NUP35: variants seen among roughly 807,000 people sequenced by gnomAD.
NUP35 encodes the protein nucleoporin NUP35.
A neutral mutation model predicts 41.5 loss-of-function variants in NUP35; 25 were observed. The observed-to-expected ratio is 0.60, with a 90% confidence interval of 0.44 to 0.84. The LOEUF (loss-of-function observed/expected upper bound fraction) is 0.84. Ranked by LOEUF, NUP35 falls within the 40% of genes least tolerant of loss-of-function variation. The probability of loss-of-function intolerance (pLI) is 0.00; values close to 1 mark genes in which losing one functional copy is unlikely to be tolerated. For synonymous variants in NUP35, 149 were observed against 130.7 expected, an observed-to-expected ratio of 1.14 and a Z score of -0.96; for missense variants, 396 against 396.6, an observed-to-expected ratio of 1.00 and a Z score of 0.01.
intron 4 of NUP35, among the ~76,000 whole-genome samples, chr2:183,144,055 GACTC>G (rs1277525552): frequency 6.6e-6 from 1 of 152,176 alleles, no homozygotes; most frequent in African/African-American, 2.4e-5. Context: ...TTACTAGAAA[GACTC>G]ACAACCTCAC....
intron 5 of NUP35, among the ~76,000 whole-genome samples, chr2:183,152,395 A>G (rs1660311083): frequency 6.6e-6 from 1 of 152,136 alleles, no homozygotes; most frequent in Non-Finnish European, 1.5e-5. Context: ...CCTGAGCAGT[A>G]GGCACTGAAC....
intron 3 of NUP35, chr2:183,130,951 C>A: frequency 8.5e-7 from 1 of 1,177,066 alleles, no homozygotes. Context: ...CACTCGTCAG[C>A]TGAGAAGTAG....
chr2:183,150,334 A>G (rs529872909), intron 4 of NUP35, among the ~76,000 whole-genome samples: 6 of 152,240 alleles, frequency 3.9e-5, no homozygotes, highest in African/African-American at 1.4e-4. Context: ...TTTCTTCATG[A>G]TCCGGCATAT....
chr2:183,153,499 A>G (rs1685539874), intron 5 of NUP35, among the ~76,000 whole-genome samples: 1 of 152,178 alleles, frequency 6.6e-6, no homozygotes, highest in Non-Finnish European at 1.5e-5. Context: ...TGGCCAAAAC[A>G]GAGGGGTTAT....
At chr2:183,118,842 T>C (rs1368125051) in intron 1 of NUP35, 1 of 152,200 alleles carries the variant, frequency 6.6e-6, no homozygotes, top group East Asian at 1.9e-4. Flanking sequence ...CATTTGACCT[T>C]GGACGTAGGG....
At chr2:183,148,816 G>A (rs1013183563) in intron 4 of NUP35, among the ~76,000 whole-genome samples, 2 of 151,888 alleles carry the variant, frequency 1.3e-5, no homozygotes, top group Non-Finnish European at 2.9e-5. Context: ...ACACCACTAC[G>A]CCCAGCTAAT....
chr2:183,143,853 G>A (rs1245400256), intron 4 of NUP35, among the ~76,000 whole-genome samples: 4 of 152,166 alleles, frequency 2.6e-5, no homozygotes, highest in Non-Finnish European at 5.9e-5. Context: ...AGTTCACCAT[G>A]CTTGATTGGA....
chr2:183,128,998 G>T (rs972283194), intron 2 of NUP35, among the ~76,000 whole-genome samples: 2 of 152,106 alleles, frequency 1.3e-5, no homozygotes, highest in African/African-American at 4.8e-5. Context: ...TAAAATTTCT[G>T]TGTCGGAGAT....
chr2:183,138,245 C>CTATA lies in NUP35; in HGVS notation c.397+4644_397+4647dup, dbSNP rs1208421272. On this transcript the variant is annotated intron_variant, in intron 4 of 8. Coordinates refer to ENST00000295119, the MANE Select transcript of NUP35 (RefSeq NM_138285.5). Reference sequence around the variant, plus strand: ...GAAAACCTAGATTTTTCATTTAGAGCTATATATATATATATATATATATAT... The same window carrying CTATA: ...GAAAACCTAGATTTTTCATTTAGAGCTATATATATATATATATATATATATATAT... Among the ~76,000 whole-genome samples, 70 of 112,656 alleles carry CTATA rather than the reference C, an allele frequency of 6.2e-4. No homozygotes were observed. The Middle Eastern group carries it at 0.015, about 23-fold the overall frequency. The allele number at this position is 112,656 out of a possible 152,430, so 73.9% of individuals were successfully genotyped here.
At chr2:183,161,007 G>A in intron 8 of NUP35, 47 bp from the exon 9 acceptor site, 1 of 1,428,044 alleles carries the variant, frequency 7.0e-7, no homozygotes, top group South Asian at 1.2e-5. Context: ...CTATGACACT[G>A]AAGTAACAAT....
At position 183,158,011 on chromosome 2, in the gene NUP35, T is replaced by G. The variant is rs57045858; in HGVS notation, c.610-272T>G. Among the ~76,000 whole-genome samples, 1,124 of 150,416 alleles carry G rather than the reference T, an allele frequency of 7.5e-3. 55 individuals are homozygous for G. The East Asian group carries it at 0.14, about 19-fold the overall frequency. Reference sequence around the variant, plus strand: ...ATCAAATTGAGTAGTTTTAAATAACTTTATGGCAAGTGTTGCTTTGATCTC... The same window carrying G: ...ATCAAATTGAGTAGTTTTAAATAACGTTATGGCAAGTGTTGCTTTGATCTC... On this transcript the variant is annotated intron_variant, in intron 6 of 8. Coordinates refer to ENST00000295119, the MANE Select transcript of NUP35 (RefSeq NM_138285.5).
intron 5 of NUP35, among the ~76,000 whole-genome samples, chr2:183,154,954 G>A (rs1685600757): frequency 6.6e-6 from 1 of 152,176 alleles, no homozygotes; most frequent in South Asian, 2.1e-4. Flanking sequence ...GTGACATCAA[G>A]AGAAAATGAG....
intron 4 of NUP35, among the ~76,000 whole-genome samples, chr2:183,142,178 A>C (rs1444349709): frequency 6.6e-6 from 1 of 152,044 alleles, no homozygotes; most frequent in East Asian, 1.9e-4. Flanking sequence ...CAATTTTGCA[A>C]ATGTGTCTTG....
At chr2:183,141,257 A>G (rs529294193) in intron 4 of NUP35, among the ~76,000 whole-genome samples, 1 of 152,096 alleles carries the variant, frequency 6.6e-6, no homozygotes, top group Non-Finnish European at 1.5e-5. Context: ...TCCCTCTTGT[A>G]AGGATACTTG....
At chr2:183,123,718 AT>A, upstream of NUP35, 1 of 845,118 alleles carries the variant, frequency 1.2e-6, no homozygotes, top group Non-Finnish European at 1.4e-6. Flanking sequence ...TGTGTATGTG[AT>A]TTACGTATGA....
chr2:183,139,774 G>C (rs1685019476), intron 4 of NUP35, among the ~76,000 whole-genome samples: 1 of 152,228 alleles, frequency 6.6e-6, no homozygotes, highest in Non-Finnish European at 1.5e-5. Flanking sequence ...GCAAGCAGTG[G>C]ATCCTTCCTT....
At chr2:183,146,168 G>A (rs1374376144) in intron 4 of NUP35, among the ~76,000 whole-genome samples, 6 of 151,618 alleles carry the variant, frequency 4.0e-5, no homozygotes, top group South Asian at 2.1e-4. Flanking sequence ...CCCAGGAGGC[G>A]GAGGTTGCAG....
chr2:183,157,805 A>C (rs998527229), intron 6 of NUP35, among the ~76,000 whole-genome samples: 2 of 152,128 alleles, frequency 1.3e-5, no homozygotes, highest in African/African-American at 4.8e-5. Flanking sequence ...GTATTATATT[A>C]CTGTTTTCCA....
At chr2:183,131,640 G>T (rs991702859) in intron 3 of NUP35, among the ~76,000 whole-genome samples, 1 of 152,180 alleles carries the variant, frequency 6.6e-6, no homozygotes, top group Non-Finnish European at 1.5e-5. Flanking sequence ...TGATACTAAA[G>T]ATATAGCTAG....
Sources: allele counts gnomAD v4.1 joint callset (sites outside exome capture counted in the v4.1 genomes callset), GRCh38; gene constraint gnomAD v4.1.1; transcripts MANE v1.5; gene names NCBI Gene and HGNC (gene_info 2026-07-23, HGNC 2026-07-21).